EXOC6B: variants seen among roughly 807,000 people sequenced by gnomAD.
The protein encoded by EXOC6B is exocyst complex component 6B.
Under a neutral mutation model 113.5 loss-of-function variants are expected in EXOC6B, and 54 were observed. The ratio of observed to expected loss-of-function variants is 0.48; its 90% CI spans 0.38 to 0.60. The LOEUF is 0.60. Among genes scored for constraint, EXOC6B ranks in the 20% least tolerant of loss-of-function variants. The probability of loss-of-function intolerance (pLI) is 0.00; values close to 1 mark genes in which losing one functional copy is unlikely to be tolerated. For synonymous variants in EXOC6B, 357 were observed against 339.0 expected, an observed-to-expected ratio of 1.05 and a Z score of -0.58; for missense variants, 797 against 977.5, an observed-to-expected ratio of 0.82 and a Z score of 2.46.
chr2:72,783,417 C>T (rs1429695887), intron 1 of EXOC6B, among the ~76,000 whole-genome samples: 3 of 150,086 alleles, frequency 2.0e-5, no homozygotes, highest in African/African-American at 4.9e-5. Context: ...CTCCGCCTCC[C>T]GAGTTCAAGT....
intron 18 of EXOC6B, among the ~76,000 whole-genome samples, chr2:72,422,285 G>A (rs948135689): frequency 2.6e-5 from 4 of 152,228 alleles, no homozygotes; most frequent in African/African-American, 9.6e-5. Flanking sequence ...AGCCAGCTGG[G>A]CTCCTGAGTC....
chr2:72,485,887 T>A (rs1699397348), intron 16 of EXOC6B, among the ~76,000 whole-genome samples: 1 of 152,190 alleles, frequency 6.6e-6, no homozygotes, highest in African/African-American at 2.4e-5. Context: ...CCTGTGATCA[T>A]AAAAATACAA....
At chr2:72,440,052 G>A (rs11685876) in intron 18 of EXOC6B, among the ~76,000 whole-genome samples, 33,841 of 151,980 alleles carry the variant, frequency 0.22, 6,151 homozygotes, top group African/African-American at 0.5. Context: ...CCCTTCCTCT[G>A]AGAGCTCTGT....
Position 72,812,424 on chromosome 2 carries a change from CT to C in EXOC6B, c.113+13373del. On this transcript the variant is annotated intron_variant, in intron 1 of 21. Transcript: ENST00000272427. ...CATACAATATTTGTAGATTGGAAGA[CT>C]CATTAGTAAAGATGTCAATTCTCCT... 2.0e-5 allele frequency among the ~76,000 whole-genome samples: 3 copies of C among 152,282 alleles called. No individual in the cohort carries two copies. The South Asian group carries it at 6.2e-4, about 32-fold the overall frequency.
chr2:72,194,463 G>A (rs1266865778), intron 20 of EXOC6B, among the ~76,000 whole-genome samples: 4 of 152,040 alleles, frequency 2.6e-5, no homozygotes, highest in Admixed American at 6.6e-5. Flanking sequence ...TTTCAAAACT[G>A]TTTGCTGTGC....
At chr2:72,735,994 G>A (rs1426799232) in intron 2 of EXOC6B, among the ~76,000 whole-genome samples, 3 of 151,948 alleles carry the variant, frequency 2.0e-5, no homozygotes, top group Admixed American at 1.3e-4. Context: ...GACCAGCCTG[G>A]CCAACATGGT....
intron 1 of EXOC6B, among the ~76,000 whole-genome samples, chr2:72,762,108 G>T (rs1682773428): frequency 6.6e-6 from 1 of 152,018 alleles, no homozygotes; most frequent in Non-Finnish European, 1.5e-5. Context: ...GCTGGGCGTG[G>T]TGGCATGTGC....
chr2:72,374,993 C>G (rs1049033604), intron 19 of EXOC6B, among the ~76,000 whole-genome samples: 2 of 151,564 alleles, frequency 1.3e-5, no homozygotes, highest in Non-Finnish European at 2.9e-5. Flanking sequence ...TATGCAAACA[C>G]AAGGTCATAA....
chr2:72,316,751 G>A (rs558143873), intron 20 of EXOC6B, among the ~76,000 whole-genome samples: 1 of 152,296 alleles, frequency 6.6e-6, no homozygotes, highest in South Asian at 2.1e-4. Context: ...AATGGTGAAA[G>A]CAGATGATTA....
intron 1 of EXOC6B, among the ~76,000 whole-genome samples, chr2:72,760,945 T>G (rs534124000): frequency 6.6e-6 from 1 of 152,248 alleles, no homozygotes; most frequent in South Asian, 2.1e-4. Flanking sequence ...TTTCGGAGGC[T>G]GAGACAGGTG....
chr2:72,819,214 A>C (rs915576455), intron 1 of EXOC6B, among the ~76,000 whole-genome samples: 1 of 152,216 alleles, frequency 6.6e-6, no homozygotes, highest in Non-Finnish European at 1.5e-5. Context: ...GACACATAAT[A>C]ATCATCTAAT....
intron 18 of EXOC6B, among the ~76,000 whole-genome samples, chr2:72,404,982 C>T (rs181691713): frequency 6.6e-6 from 1 of 152,206 alleles, no homozygotes; most frequent in Admixed American, 6.5e-5. Flanking sequence ...GAATGGCTAA[C>T]TAGAATAACC....
intron 20 of EXOC6B, among the ~76,000 whole-genome samples, chr2:72,281,580 T>A (rs1685135099): frequency 1.3e-5 from 2 of 152,146 alleles, no homozygotes; most frequent in African/African-American, 4.8e-5. Flanking sequence ...GAGTACAAAA[T>A]GTCTAGACAG....
intron 20 of EXOC6B, among the ~76,000 whole-genome samples, chr2:72,227,909 G>C (rs184972005): frequency 6.6e-6 from 1 of 152,240 alleles, no homozygotes; most frequent in Admixed American, 6.5e-5. Context: ...CAACTAATGT[G>C]GCTTCCTAAT....
chr2:72,554,820 T>C (rs996825446), intron 8 of EXOC6B, among the ~76,000 whole-genome samples: 5 of 152,200 alleles, frequency 3.3e-5, no homozygotes, highest in African/African-American at 2.4e-5. Flanking sequence ...GTTTGTTACA[T>C]AGCTATACAC....
intron 6 of EXOC6B, among the ~76,000 whole-genome samples, chr2:72,697,414 G>A (rs1396664585): frequency 6.6e-6 from 1 of 152,066 alleles, no homozygotes; most frequent in Non-Finnish European, 1.5e-5. Context: ...GGTTTGGCAT[G>A]GTGGATCCTG....
intron 20 of EXOC6B, among the ~76,000 whole-genome samples, chr2:72,202,966 C>T (rs1329473489): frequency 4.6e-5 from 7 of 152,164 alleles, no homozygotes; most frequent in Non-Finnish European, 8.8e-5. Flanking sequence ...GCCTAAGAGC[C>T]GGCCAGTTCA....
intron 19 of EXOC6B, among the ~76,000 whole-genome samples, chr2:72,369,416 C>T (rs1690860059): frequency 1.3e-5 from 2 of 152,114 alleles, no homozygotes; most frequent in Non-Finnish European, 2.9e-5. Context: ...GAATCAATAT[C>T]GTGAAAATGG....
At chr2:72,250,517 T>G (rs920141183) in intron 20 of EXOC6B, among the ~76,000 whole-genome samples, 2 of 151,674 alleles carry the variant, frequency 1.3e-5, no homozygotes, top group African/African-American at 4.8e-5. Context: ...TAATTTTTGT[T>G]TTTTTTTGTA....
Sources: allele counts gnomAD v4.1 joint callset (sites outside exome capture counted in the v4.1 genomes callset), GRCh38; gene constraint gnomAD v4.1.1; transcripts MANE v1.5; gene names NCBI Gene and HGNC (gene_info 2026-07-23, HGNC 2026-07-21).